The following PIKFYVE variants were observed in gnomAD, a reference collection of about 807,000 sequenced individuals.
PIKFYVE encodes 1-phosphatidylinositol 3-phosphate 5-kinase.
A neutral mutation model predicts 257.9 loss-of-function variants in PIKFYVE; 122 were observed. The ratio of observed to expected loss-of-function variants is 0.47; its 90% CI spans 0.41 to 0.55. PIKFYVE has a LOEUF of 0.55. PIKFYVE is among the 20% of genes least tolerant of loss of function. The pLI, the probability that PIKFYVE is intolerant of heterozygous loss-of-function variation, is 0.00. For missense variants in PIKFYVE, 2,160 were observed against 2,536.6 expected (o/e 0.85, Z 3.19); for synonymous variants, 892 against 868.9 (o/e 1.03, Z -0.47).
Position 208,354,018 on chromosome 2 carries a change from T to C in PIKFYVE, c.5965T>C (p.Tyr1989His), listed in dbSNP as rs762045331. 5 of 1,614,108 alleles carry C rather than the reference T, an allele frequency of 3.1e-6. No individual in the cohort carries two copies. Among genetic ancestry groups the C allele is most frequent in the Admixed American group, 1.7e-5 (1 of 60,012 alleles). The change falls in exon 40 of 42, where the codon TAT becomes CAT. Residue 1989 changes from tyrosine (Y) to histidine (H), a missense_variant. By Grantham distance (83) the Tyr-to-His change is moderately conservative. This residue lies in a region of PIKFYVE where 699 missense variants were observed against 855.8 expected (regional missense o/e 0.82). Transcript: ENST00000264380. Reference sequence around the variant, plus strand: ...AAAGATGGTTCGAGACAACCCTCTATATATTCGTTCTCATTCCAAAGCTGT... The same window carrying C: ...AAAGATGGTTCGAGACAACCCTCTACATATTCGTTCTCATTCCAAAGCTGT... Reference protein sequence around the residue: ...LLKMVRDNPLYIRSHSKAVLR... With the variant: ...LLKMVRDNPLHIRSHSKAVLR...
At chr2:208,289,877 TA>T (rs1692072837) in intron 7 of PIKFYVE, among the ~76,000 whole-genome samples, 1 of 152,344 alleles carries the variant, frequency 6.6e-6, no homozygotes, top group African/African-American at 2.4e-5. Context: ...CATCGTTTTT[TA>T]TATTGTATAT....
In PIKFYVE at chr2:208,329,389, T is replaced by C. The variant is rs148406100; in HGVS notation, c.3720-453T>C. Reference sequence around the variant, plus strand: ...AATAAGATGTGGATTTCAACAGTTATATAGCCAAACTGTCTTGTGAGCATT... The same window carrying C: ...AATAAGATGTGGATTTCAACAGTTACATAGCCAAACTGTCTTGTGAGCATT... On this transcript the variant is annotated intron_variant, in intron 21 of 41. Transcript: ENST00000264380. Among the ~76,000 whole-genome samples, 19 of 152,272 alleles carry C rather than the reference T, an allele frequency of 1.2e-4. No individual in the cohort carries two copies. The East Asian group carries it at 1.9e-3, about 15-fold the overall frequency.
chr2:208,268,697 A>T (rs1289780943), intron 1 of PIKFYVE, among the ~76,000 whole-genome samples: 1 of 151,422 alleles, frequency 6.6e-6, no homozygotes, highest in Non-Finnish European at 1.5e-5. Flanking sequence ...AGGATTGTTG[A>T]TGATTATTCT....
At chr2:208,305,363 T>G (rs1574536408) in intron 12 of PIKFYVE, 7 of 1,137,688 alleles carry the variant, frequency 6.2e-6, no homozygotes, top group Non-Finnish European at 6.5e-6. Context: ...CTTTCTTCAT[T>G]TAACATTTTA....
At position 208,326,375 on chromosome 2, in the gene PIKFYVE, T is replaced by C. The variant is rs1529978; in HGVS notation, c.3564T>C (p.Asn1188=). Residue 1188 remains asparagine (N), a synonymous_variant, in exon 20 of 42, where the codon AAT becomes AAC. Transcript: ENST00000264380. ...STSSGQSGSK[N]EGDEERGLIL... ...CAAGTGGCCAATCAGGAAGCAAAAA[T>C]GAGGGTGATGAAGAGAGAGGGCTTA... 1 allele frequency: 1,612,557 copies of C among 1,614,082 alleles called. 805,530 individuals carry two copies. Among genetic ancestry groups the C allele is most frequent in the East Asian group, 1 (44,870 of 44,870 alleles).
chr2:208,349,911 T>A, intron 35 of PIKFYVE, 113 bp from the exon 36 acceptor site: 1 of 1,487,934 alleles, frequency 6.7e-7, no homozygotes, highest in Non-Finnish European at 9.1e-7. Flanking sequence ...GAGTAGGATA[T>A]TTTTACTTTT....
chr2:208,271,851 T>C (rs1689458549), intron 2 of PIKFYVE, among the ~76,000 whole-genome samples, 160 bp downstream of exon 2: 1 of 152,182 alleles, frequency 6.6e-6, no homozygotes, highest in African/African-American at 2.4e-5. Context: ...ATAGCTTTAA[T>C]CGTAGGTCTC....
rs1160045653 is a variant in PIKFYVE, at chr2:208,304,828, C to G, written c.1469-18C>G. On this transcript the variant is annotated intron_variant, in intron 11 of 41. Coordinates refer to ENST00000264380, the MANE Select transcript of PIKFYVE (RefSeq NM_015040.4). ...CCCTCCTCTCCCTATATTTCTTTCCCCTTCCCAACACTAAAAGATTCTGCC... is the reference window on the plus strand; with the variant it reads ...CCCTCCTCTCCCTATATTTCTTTCCGCTTCCCAACACTAAAAGATTCTGCC... The G allele has an allele frequency of 2.5e-6, 4 of 1,610,880 alleles. No individual in the cohort carries two copies. The highest frequency in any genetic ancestry group is 4.5e-5 in the East Asian group (2 of 44,864).
intron 7 of PIKFYVE, among the ~76,000 whole-genome samples, 190 bp downstream of exon 7, chr2:208,289,008 T>C (rs1176829117): frequency 1.3e-5 from 2 of 152,236 alleles, no homozygotes; most frequent in Non-Finnish European, 2.9e-5. Context: ...TTTCCAGTAT[T>C]CTCCAGTGGC....
chr2:208,284,891 GCTCCTGCCCTCAAACAGTC>G (rs1245578489), intron 5 of PIKFYVE, among the ~76,000 whole-genome samples: 4 of 151,034 alleles, frequency 2.6e-5, no homozygotes, highest in African/African-American at 7.3e-5. Context: ...TTGTTCTTGA[GCTCCTGCCCTCAAACAGTC>G]CTCCCGCCCT....
intron 1 of PIKFYVE, among the ~76,000 whole-genome samples, chr2:208,271,002 C>T (rs373101109): frequency 1.3e-5 from 2 of 150,224 alleles, no homozygotes; most frequent in East Asian, 3.9e-4. Context: ...CGCCACTGCA[C>T]TCCAGTCTGG....
chr2:208,317,962 A>C lies in PIKFYVE; in HGVS notation c.2082+21A>C, dbSNP rs553140058. On this transcript the variant is annotated intron_variant, in intron 16 of 41. Transcript: ENST00000264380. ...AAAAGGTAATGTGATTCAGTTCAGC[A>C]GTGAAGTTCAGCAAACCATGGCTGT... 2.7e-4 allele frequency: 327 copies of C among 1,196,834 alleles called. 8 individuals carry two copies. The South Asian group carries it at 4.5e-3, about 17-fold the overall frequency. The allele number at this position is 1,196,834 out of a possible 1,614,324, so 74.1% of individuals were successfully genotyped here. A position where few individuals can be genotyped will look rare whatever the true frequency, so the allele number is the denominator to read the frequency against.
chr2:208,269,026 A>C (rs1272567159), intron 1 of PIKFYVE, among the ~76,000 whole-genome samples: 2 of 152,148 alleles, frequency 1.3e-5, no homozygotes, highest in South Asian at 4.1e-4. Context: ...GACCCCCAAG[A>C]AAGTTGTTTT....
At chr2:208,288,942 A>G (rs1274160890) in intron 7 of PIKFYVE, 124 bp downstream of exon 7, 17 of 1,233,676 alleles carry the variant, frequency 1.4e-5, no homozygotes, top group Non-Finnish European at 2.0e-5. Context: ...TAAAAGCTGA[A>G]TTAAACTATC....
At chr2:208,307,874 T>C (rs1407239171) in intron 12 of PIKFYVE, among the ~76,000 whole-genome samples, 1 of 152,210 alleles carries the variant, frequency 6.6e-6, no homozygotes, top group Non-Finnish European at 1.5e-5. Flanking sequence ...ACTTGAAATA[T>C]GTTAAAAGAG....
chr2:208,305,455 ATCAT>A, intron 12 of PIKFYVE: 1 of 971,132 alleles, frequency 1.0e-6, no homozygotes, highest in Non-Finnish European at 1.2e-6. Flanking sequence ...TTGGGGGAAA[ATCAT>A]TCACACATTC....
chr2:208,290,120 A>G (rs544764326), intron 7 of PIKFYVE, among the ~76,000 whole-genome samples: 1 of 152,284 alleles, frequency 6.6e-6, no homozygotes, highest in South Asian at 2.1e-4. Context: ...ACTTTGACAC[A>G]TGATCATCGT....
At chr2:208,340,197 A>G in intron 31 of PIKFYVE, 66 bp downstream of exon 31, 7 of 1,552,366 alleles carry the variant, frequency 4.5e-6, no homozygotes, top group African/African-American at 4.1e-5. Flanking sequence ...CTCGCTTCAT[A>G]TTTAAATATA....
chr2:208,335,196 A>C (rs1697997263), intron 24 of PIKFYVE, 110 bp from the exon 25 acceptor site: 2 of 764,578 alleles, frequency 2.6e-6, no homozygotes, highest in South Asian at 1.5e-5. Flanking sequence ...GATTTTATAG[A>C]AACTTTTCCT....
Sources: allele counts gnomAD v4.1 joint callset (sites outside exome capture counted in the v4.1 genomes callset), GRCh38; gene constraint gnomAD v4.1.1; regional missense constraint gnomAD v4.1.1; transcripts MANE v1.5; gene names NCBI Gene and HGNC (gene_info 2026-07-23, HGNC 2026-07-21).